ITPR1: variants seen among roughly 807,000 people sequenced by gnomAD.
The protein encoded by ITPR1 is inositol 1,4,5-trisphosphate-gated calcium channel ITPR1.
ITPR1 carries 96 observed loss-of-function variants against 318.4 expected under a neutral mutation model. The ratio of observed to expected loss-of-function variants is 0.30; its 90% confidence interval spans 0.26 to 0.36. The LOEUF is 0.36. Ranked by LOEUF, ITPR1 falls within the 10% of genes least tolerant of loss-of-function variation. The pLI, the probability that ITPR1 is intolerant of heterozygous loss-of-function variation, is 1.00. For synonymous variants in ITPR1, 1,312 were observed against 1,289.9 expected (o/e 1.02, Z -0.37); for missense variants, 2,440 against 3,460.2 (o/e 0.71, Z 7.40).
At chr3:4,753,802 G>T (rs959277626) in intron 44 of ITPR1, among the ~76,000 whole-genome samples, 1 of 152,116 alleles carries the variant, frequency 6.6e-6, no homozygotes. Context: ...GGCTGGTGTA[G>T]ACACCCTGCC....
chr3:4,757,649 G>A (rs1025882485), intron 44 of ITPR1, among the ~76,000 whole-genome samples: 2 of 152,166 alleles, frequency 1.3e-5, no homozygotes, highest in South Asian at 4.1e-4. Flanking sequence ...ACTTCTTGGG[G>A]CCTCAGTTTC....
chr3:4,735,163 G>C lies in ITPR1; in HGVS notation c.5354-1G>C. 1 of 1,611,396 alleles carries C rather than the reference G, an allele frequency of 6.2e-7. No individual in the cohort carries two copies. Among genetic ancestry groups the C allele is most frequent in the Non-Finnish European group, 8.5e-7 (1 of 1,177,720 alleles). ...GTAAAAACAATATTCCATCTTCTTA[G>C]GGGGAGGTTCCGGATCCAGCTCTAT... On this transcript the variant is annotated splice_acceptor_variant, in intron 43 of 61. Coordinates refer to ENST00000649015, the MANE Select transcript of ITPR1 (RefSeq NM_001378452.1). LOFTEE classifies it high-confidence loss of function.
chr3:4,567,512 G>A (rs1209045156), intron 4 of ITPR1, among the ~76,000 whole-genome samples: 4 of 152,174 alleles, frequency 2.6e-5, no homozygotes, highest in South Asian at 2.1e-4. Context: ...TTAGAGATAG[G>A]CGAATGAAGA....
intron 5 of ITPR1, among the ~76,000 whole-genome samples, chr3:4,638,850 A>G (rs1354915113): frequency 6.6e-6 from 1 of 152,212 alleles, no homozygotes; most frequent in Non-Finnish European, 1.5e-5. Flanking sequence ...CATGTGTGCT[A>G]CAGTGTATCA....
intron 51 of ITPR1, among the ~76,000 whole-genome samples, chr3:4,785,045 C>T (rs1384943437): frequency 1.3e-5 from 2 of 152,208 alleles, no homozygotes; most frequent in African/African-American, 2.4e-5. Context: ...TGAAGCCACA[C>T]ATGTTGGTGT....
chr3:4,517,582 C>G (rs2082261372), intron 3 of ITPR1, among the ~76,000 whole-genome samples: 7 of 152,186 alleles, frequency 4.6e-5, no homozygotes. Context: ...AGAATTATAG[C>G]TCAATTAGAC....
chr3:4,670,447 C>A (rs1265606090), intron 19 of ITPR1, among the ~76,000 whole-genome samples: 1 of 152,156 alleles, frequency 6.6e-6, no homozygotes, highest in Non-Finnish European at 1.5e-5. Flanking sequence ...ATCCCTGGCC[C>A]CTACCCACTT....
chr3:4,519,472 G>A (rs903840978), intron 3 of ITPR1, among the ~76,000 whole-genome samples: 10 of 152,146 alleles, frequency 6.6e-5, no homozygotes, highest in African/African-American at 2.2e-4. Context: ...TGATCCGCCT[G>A]TCTCGGCCTC....
At chr3:4,502,115 G>A (rs762768271) in intron 2 of ITPR1, among the ~76,000 whole-genome samples, 6 of 152,144 alleles carry the variant, frequency 3.9e-5, no homozygotes, top group African/African-American at 7.2e-5. Flanking sequence ...CCCAGACGAC[G>A]GACATTCATT....
At chr3:4,589,063 C>A (rs574830408) in intron 4 of ITPR1, among the ~76,000 whole-genome samples, 1 of 152,104 alleles carries the variant, frequency 6.6e-6, no homozygotes, top group Non-Finnish European at 1.5e-5. Flanking sequence ...GTGGCGTGCA[C>A]CTGTGCTCCC....
At chr3:4,737,921 G>A (rs2043394647) in intron 44 of ITPR1, among the ~76,000 whole-genome samples, 1 of 152,182 alleles carries the variant, frequency 6.6e-6, no homozygotes, top group African/African-American at 2.4e-5. Context: ...GGACACGGAT[G>A]GAGCTGGAGA....
chr3:4,800,555 T>C lies in ITPR1; in HGVS notation c.7062T>C (p.Phe2354=). ...CCTCCACAATTCTACGACTGATATT[T>C]TCAGTCGGGTTACAACCCACGTTGT... The part of the protein sequence containing the change: ...LIASTILRLI[F]SVGLQPTLFL... The change falls in exon 54 of 62, where the codon TTT becomes TTC. Residue 2354 remains phenylalanine (F), a synonymous_variant. Coordinates refer to ENST00000649015, the MANE Select transcript of ITPR1 (RefSeq NM_001378452.1). 6.2e-7 allele frequency: 1 copy of C among 1,614,038 alleles called. No homozygotes were observed. The highest frequency in any genetic ancestry group is 8.5e-7 in the Non-Finnish European group (1 of 1,179,882).
rs564573762 is a variant in ITPR1, at chr3:4,659,433, C to G, written c.1151+1155C>G. On this transcript the variant is annotated intron_variant, in intron 13 of 61. Transcript: ENST00000649015. The stretch of plus-strand genomic sequence containing the variant: ...CAGTGCCTCACACCTGTAATCCGAG[C>G]ACTTTGGGAGGCTGAAGCAGACAGA... 4.6e-5 allele frequency among the ~76,000 whole-genome samples: 7 copies of G among 152,278 alleles called. No individual in the cohort carries two copies. The East Asian group carries it at 1.3e-3, about 29-fold the overall frequency.
chr3:4,831,153 A>ACACACACACACT (rs1276100147), intron 60 of ITPR1: 6 of 381,472 alleles, frequency 1.6e-5, no homozygotes, highest in Admixed American at 9.5e-5. Flanking sequence ...ACACACACAC[A>ACACACACACACT]CTCACTCCCT....
At position 4,656,276 on chromosome 3, in the gene ITPR1, G is replaced by T. The variant is rs565953139; in HGVS notation, c.997-1848G>T. ...GTGATTTTCCTCTCAACTCCCACAG[G>T]TCTCTGAAACTTAACTGCCAGCCTG... On this transcript the variant is annotated intron_variant, in intron 12 of 61. Coordinates refer to ENST00000649015, the MANE Select transcript of ITPR1 (RefSeq NM_001378452.1). 6.6e-5 allele frequency among the ~76,000 whole-genome samples: 10 copies of T among 152,300 alleles called. No individual in the cohort carries two copies. In the South Asian group the frequency reaches 2.1e-3, roughly 32 times the overall value.
At chr3:4,528,394 G>C (rs1375483521) in intron 4 of ITPR1, among the ~76,000 whole-genome samples, 1 of 152,200 alleles carries the variant, frequency 6.6e-6, no homozygotes, top group Non-Finnish European at 1.5e-5. Context: ...GGGGACACAG[G>C]CAGGGTCTTG....
chr3:4,686,400 T>C (rs1411402513), intron 30 of ITPR1, among the ~76,000 whole-genome samples: 2 of 152,224 alleles, frequency 1.3e-5, no homozygotes, highest in Non-Finnish European at 2.9e-5. Context: ...GATACAGGTG[T>C]GCATTATCAT....
At chr3:4,634,550 G>A (rs2093119550) in intron 5 of ITPR1, among the ~76,000 whole-genome samples, 1 of 152,108 alleles carries the variant, frequency 6.6e-6, no homozygotes, top group Non-Finnish European at 1.5e-5. Flanking sequence ...CATGATGAAG[G>A]TGTTTTTGAA....
At chr3:4,724,724 G>A (rs1479794084) in intron 40 of ITPR1, among the ~76,000 whole-genome samples, 2 of 152,246 alleles carry the variant, frequency 1.3e-5, no homozygotes, top group South Asian at 2.1e-4. Context: ...TTTTCTCCAG[G>A]CACACCTTTG....
Sources: allele counts gnomAD v4.1 joint callset (sites outside exome capture counted in the v4.1 genomes callset), GRCh38; gene constraint gnomAD v4.1.1; transcripts MANE v1.5; gene names NCBI Gene and HGNC (gene_info 2026-07-23, HGNC 2026-07-21).